PDGFC: variants seen among roughly 807,000 people sequenced by gnomAD.
PDGFC encodes platelet-derived growth factor C.
A neutral mutation model predicts 35.5 loss-of-function variants in PDGFC; 12 were observed. The ratio of observed to expected loss-of-function variants is 0.34; its 90% CI spans 0.22 to 0.55. The LOEUF (loss-of-function observed/expected upper bound fraction) is 0.55. PDGFC is among the 20% of genes least tolerant of loss of function. The pLI is 0.91. For missense variants in PDGFC, 322 were observed against 412.4 expected, an observed-to-expected ratio of 0.78 and a Z score of 1.90; for synonymous variants, 159 against 148.8, an observed-to-expected ratio of 1.07 and a Z score of -0.50.
At chr4:156,856,523 G>A (rs1729587824) in intron 1 of PDGFC, among the ~76,000 whole-genome samples, 1 of 152,008 alleles carries the variant, frequency 6.6e-6, no homozygotes, top group South Asian at 2.1e-4. Context: ...GATTCCTGGT[G>A]TACACTCCCT....
chr4:156,962,941 C>T (rs1405154251), intron 1 of PDGFC, among the ~76,000 whole-genome samples: 1 of 152,152 alleles, frequency 6.6e-6, no homozygotes, highest in Non-Finnish European at 1.5e-5. Context: ...GCATCTAAAT[C>T]CTGCTGCTCC....
intron 1 of PDGFC, among the ~76,000 whole-genome samples, chr4:156,902,837 A>G (rs36029656): frequency 0.5 from 76,178 of 151,704 alleles, 20,549 homozygotes; most frequent in East Asian, 0.63. Flanking sequence ...TAGCATTAGC[A>G]CATTAGCACT....
chr4:156,944,186 T>C (rs562636051), intron 1 of PDGFC, among the ~76,000 whole-genome samples: 1 of 152,222 alleles, frequency 6.6e-6, no homozygotes, highest in East Asian at 1.9e-4. Context: ...CTTCTTAGAT[T>C]GGGATTAATG....
At chr4:156,930,580 G>A (rs1731526170) in intron 1 of PDGFC, among the ~76,000 whole-genome samples, 1 of 152,140 alleles carries the variant, frequency 6.6e-6, no homozygotes, top group Non-Finnish European at 1.5e-5. Flanking sequence ...TAAGAATCTA[G>A]GTTTAGGCCG....
At chr4:156,869,804 A>G (rs1041072859) in intron 1 of PDGFC, among the ~76,000 whole-genome samples, 1 of 152,176 alleles carries the variant, frequency 6.6e-6, no homozygotes, top group Non-Finnish European at 1.5e-5. Flanking sequence ...GATTGAGAAT[A>G]ATACTGGTTC....
At chr4:156,780,818 C>A (rs1318153769) in intron 3 of PDGFC, among the ~76,000 whole-genome samples, 1 of 152,140 alleles carries the variant, frequency 6.6e-6, no homozygotes, top group South Asian at 2.1e-4. Flanking sequence ...AATGACCCCC[C>A]CACATGGCTG....
intron 1 of PDGFC, among the ~76,000 whole-genome samples, chr4:156,867,739 T>C (rs1729880346): frequency 1.3e-5 from 2 of 152,222 alleles, no homozygotes; most frequent in Admixed American, 1.3e-4. Flanking sequence ...GGTTTCATAC[T>C]GTTTTCATAT....
intron 1 of PDGFC, among the ~76,000 whole-genome samples, chr4:156,917,868 G>C (rs1031906433): frequency 2.6e-5 from 4 of 152,122 alleles, no homozygotes; most frequent in Admixed American, 2.6e-4. Context: ...TGTTCAAGTA[G>C]GTTCATACTC....
At chr4:156,776,831 C>A (rs1362465100) in intron 3 of PDGFC, among the ~76,000 whole-genome samples, 10 of 152,108 alleles carry the variant, frequency 6.6e-5, no homozygotes, top group Admixed American at 5.9e-4. Context: ...TTTGACTAAA[C>A]TGCATAATCA....
chr4:156,767,029 T>C (rs1730557066), intron 5 of PDGFC, among the ~76,000 whole-genome samples: 1 of 152,098 alleles, frequency 6.6e-6, no homozygotes, highest in Non-Finnish European at 1.5e-5. Context: ...CTTGGTCTAA[T>C]GTTAATGTTT....
chr4:156,900,859 A>G (rs1449041989), intron 1 of PDGFC, among the ~76,000 whole-genome samples: 3 of 145,148 alleles, frequency 2.1e-5, no homozygotes, highest in Non-Finnish European at 4.5e-5. Context: ...GGAAGGAACG[A>G]AGCAAGGATG....
At chr4:156,938,097 G>A (rs887296009) in intron 1 of PDGFC, among the ~76,000 whole-genome samples, 2 of 151,858 alleles carry the variant, frequency 1.3e-5, no homozygotes, top group African/African-American at 4.8e-5. Flanking sequence ...CTTACGAAAG[G>A]ACAAATTTTT....
intron 1 of PDGFC, among the ~76,000 whole-genome samples, chr4:156,955,473 A>G (rs1732185723): frequency 6.6e-6 from 1 of 152,086 alleles, no homozygotes. Flanking sequence ...CAATGTATAC[A>G]TATATCAAAA....
At chr4:156,799,628 C>G (rs72683336) in intron 3 of PDGFC, among the ~76,000 whole-genome samples, 1 of 152,068 alleles carries the variant, frequency 6.6e-6, no homozygotes, top group Non-Finnish European at 1.5e-5. Context: ...AAATTTTAGC[C>G]TTACAAGGTT....
At chr4:156,905,833 C>T (rs1281808124) in intron 1 of PDGFC, among the ~76,000 whole-genome samples, 1 of 152,004 alleles carries the variant, frequency 6.6e-6, no homozygotes, top group Non-Finnish European at 1.5e-5. Context: ...GCAAGACCTA[C>T]ATTCTAGATC....
chr4:156,805,982 T>C (rs993785574), intron 3 of PDGFC, among the ~76,000 whole-genome samples: 10 of 152,000 alleles, frequency 6.6e-5, no homozygotes, highest in African/African-American at 2.4e-4. Context: ...GGATAAGTCA[T>C]TTACAAAATC....
intron 2 of PDGFC, among the ~76,000 whole-genome samples, chr4:156,817,008 G>C (rs1318043804): frequency 1.3e-5 from 2 of 152,142 alleles, no homozygotes; most frequent in Non-Finnish European, 2.9e-5. Flanking sequence ...TTGGAAATGT[G>C]TAAGTAAAAC....
intron 1 of PDGFC, among the ~76,000 whole-genome samples, chr4:156,871,606 C>G (rs1306519636): frequency 6.6e-6 from 1 of 151,790 alleles, no homozygotes; most frequent in South Asian, 2.1e-4. Flanking sequence ...GAAAATGTGC[C>G]TAAAATATTT....
intron 1 of PDGFC, among the ~76,000 whole-genome samples, chr4:156,892,622 A>G (rs1579081754): frequency 6.6e-6 from 1 of 152,310 alleles, no homozygotes; most frequent in Non-Finnish European, 1.5e-5. Context: ...AAAGTTAGAG[A>G]AAACAAAACT....
Sources: allele counts gnomAD v4.1 joint callset (sites outside exome capture counted in the v4.1 genomes callset), GRCh38; gene constraint gnomAD v4.1.1; transcripts MANE v1.5; gene names NCBI Gene and HGNC (gene_info 2026-07-23, HGNC 2026-07-21).